Variants in C4orf17 observed in about 807,000 individuals in gnomAD.
C4orf17 encodes chromosome 4 open reading frame 17, also known as uncharacterized protein C4orf17.
A neutral mutation model predicts 32.0 loss-of-function variants in C4orf17; 25 were observed. The ratio of observed to expected loss-of-function variants is 0.78; its 90% CI spans 0.57 to 1.09. The LOEUF is 1.09. Ranked by LOEUF, C4orf17 falls within the 50% of genes least tolerant of loss-of-function variation. The pLI, the probability that C4orf17 is intolerant of heterozygous loss-of-function variation, is 0.00. For synonymous variants in C4orf17, 149 were observed against 145.8 expected (o/e 1.02, Z -0.16); for missense variants, 420 against 420.0 (o/e 1.00, Z 0.00).
At chr4:99,527,350 A>G (rs908497681) in intron 4 of C4orf17, among the ~76,000 whole-genome samples, 2 of 152,216 alleles carry the variant, frequency 1.3e-5, no homozygotes, top group Non-Finnish European at 2.9e-5. Flanking sequence ...TCATGTACCC[A>G]TGAAACAAAT....
chr4:99,514,183 C>T (rs990365130), intron 2 of C4orf17, among the ~76,000 whole-genome samples: 1 of 152,102 alleles, frequency 6.6e-6, no homozygotes, highest in Non-Finnish European at 1.5e-5. Flanking sequence ...AAACCAATGT[C>T]ATTTGGCTTA....
At chr4:99,524,192 A>G (rs146668938) in intron 3 of C4orf17, among the ~76,000 whole-genome samples, 42 of 152,188 alleles carry the variant, frequency 2.8e-4, no homozygotes, top group East Asian at 2.3e-3. Context: ...CGTGTTAGCC[A>G]GGATGGTCTC....
intron 3 of C4orf17, among the ~76,000 whole-genome samples, chr4:99,524,220 A>G (rs1389115245): frequency 6.6e-6 from 1 of 152,036 alleles, no homozygotes; most frequent in Admixed American, 6.5e-5. Context: ...TGACCTCGTG[A>G]TCCGCCCGCC....
chr4:99,512,792 C>T lies in C4orf17; in HGVS notation c.-93-197C>T, dbSNP rs545883590. Among the ~76,000 whole-genome samples, 5 of 151,828 alleles carry T rather than the reference C, an allele frequency of 3.3e-5. No homozygotes were observed. The South Asian group carries it at 1.0e-3, about 32-fold the overall frequency. On this transcript the variant is annotated intron_variant, in intron 1 of 8. Coordinates refer to ENST00000326581, the MANE Select transcript of C4orf17 (RefSeq NM_032149.3). ...TTTGAAATCAAACACTTTGATTTTC[C>T]CCTGGGTAAATGTTTTAGATCCACC...
intron 4 of C4orf17, among the ~76,000 whole-genome samples, chr4:99,525,612 G>A (rs1331801638): frequency 1.3e-5 from 2 of 152,176 alleles, no homozygotes; most frequent in Admixed American, 1.3e-4. Context: ...GGCCAACATG[G>A]TGAAACCCCG....
At chr4:99,523,698 T>A (rs1338908385) in intron 3 of C4orf17, among the ~76,000 whole-genome samples, 1 of 152,192 alleles carries the variant, frequency 6.6e-6, no homozygotes, top group African/African-American at 2.4e-5. Context: ...AAAAGTCATC[T>A]TTTTCTTTTA....
At chr4:99,519,530 C>T (rs1477658556) in intron 2 of C4orf17, among the ~76,000 whole-genome samples, 1 of 152,124 alleles carries the variant, frequency 6.6e-6, no homozygotes, top group Non-Finnish European at 1.5e-5. Context: ...GAGTAGTTGC[C>T]ACAAGTGAGG....
At chr4:99,528,197 T>C (rs1158021026) in intron 4 of C4orf17, among the ~76,000 whole-genome samples, 2 of 145,588 alleles carry the variant, frequency 1.4e-5, no homozygotes, top group African/African-American at 5.2e-5. Flanking sequence ...TGTGTCTTTG[T>C]TTTTCTCAAT....
chr4:99,532,051 T>C (rs922297445), intron 5 of C4orf17, among the ~76,000 whole-genome samples: 1 of 152,160 alleles, frequency 6.6e-6, no homozygotes, highest in South Asian at 2.1e-4. Context: ...AAGATCTTTA[T>C]AGACATAACA....
chr4:99,539,452 A>C (rs1436102366), intron 7 of C4orf17, 82 bp downstream of exon 7: 1 of 1,161,958 alleles, frequency 8.6e-7, no homozygotes, highest in Non-Finnish European at 1.3e-6. Context: ...ATCTTTCAAA[A>C]TGTTAAACAG....
chr4:99,531,277 G>T (rs1269033285), intron 5 of C4orf17, among the ~76,000 whole-genome samples: 1 of 151,974 alleles, frequency 6.6e-6, no homozygotes, highest in Non-Finnish European at 1.5e-5. Context: ...TCAGTGCCTA[G>T]GTGAGTGCTG....
At chr4:99,529,148 C>G (rs1723437421) in intron 4 of C4orf17, among the ~76,000 whole-genome samples, 2 of 152,092 alleles carry the variant, frequency 1.3e-5, no homozygotes, top group South Asian at 4.1e-4. Context: ...GCACTAAGTT[C>G]TATGTGTTGT....
At chr4:99,536,812 A>C (rs1440073591) in intron 5 of C4orf17, among the ~76,000 whole-genome samples, 1 of 152,226 alleles carries the variant, frequency 6.6e-6, no homozygotes, top group East Asian at 1.9e-4. Flanking sequence ...GGTACTGAAC[A>C]GACAAAACAA....
At chr4:99,524,408 T>C (rs980366899) in intron 3 of C4orf17, 113 bp from the exon 4 acceptor site, 1 of 579,582 alleles carries the variant, frequency 1.7e-6, no homozygotes, top group Non-Finnish European at 3.0e-6. Flanking sequence ...GATTCCTGAA[T>C]TGACCTTAAA....
rs755086809 is a variant in C4orf17 at position 99,530,009 on chromosome 4, A to C, written c.546+51A>C. The C allele has an allele frequency of 2.8e-6, 4 of 1,449,972 alleles. No individual in the cohort carries two copies. In the East Asian group the frequency reaches 7.1e-5, roughly 26 times the overall value. 89.8% of individuals were successfully genotyped at this position (1,449,972 alleles called of 1,614,324 possible). On this transcript the variant is annotated intron_variant, in intron 5 of 8. Transcript: ENST00000326581. ...TAACTTGGAAACAGCATGAATATAC[A>C]AAAAAATTTATACCACTAGCATCCT...
intron 6 of C4orf17, among the ~76,000 whole-genome samples, chr4:99,538,250 C>T (rs1367868984): frequency 1.3e-5 from 2 of 152,238 alleles, no homozygotes; most frequent in African/African-American, 4.8e-5. Context: ...CATGAAAACA[C>T]ATGCCATTCC....
Position 99,522,838 on chromosome 4 carries a change from A to G in C4orf17, c.337+129A>G. On this transcript the variant is annotated intron_variant, in intron 3 of 8. Coordinates refer to ENST00000326581, the MANE Select transcript of C4orf17 (RefSeq NM_032149.3). ...AGTTTCCTCACTGTGAGGAACATAA[A>G]TTTTGTTATATAATTTTTTTTCACT... 5.8e-6 allele frequency: 4 copies of G among 684,562 alleles called. No individual in the cohort carries two copies. The South Asian group carries it at 6.1e-5, about 10-fold the overall frequency. The allele number at this position is 684,562 out of a possible 1,614,324, so 42.4% of individuals were successfully genotyped here. A position where few individuals can be genotyped will look rare whatever the true frequency, so the allele number is the denominator to read the frequency against.
At chr4:99,512,961 C>T in intron 1 of C4orf17, 28 bp from the exon 2 acceptor site, 2 of 956,768 alleles carry the variant, frequency 2.1e-6, no homozygotes, top group Admixed American at 2.5e-5. Context: ...AAACTCTTGT[C>T]AGAATGTTTG....
At chr4:99,524,795 G>C (rs535008124) in intron 4 of C4orf17, among the ~76,000 whole-genome samples, 1 of 152,312 alleles carries the variant, frequency 6.6e-6, no homozygotes, top group East Asian at 1.9e-4. Flanking sequence ...TACCACTGCA[G>C]TCAAGAGAAT....
Sources: allele counts gnomAD v4.1 joint callset (sites outside exome capture counted in the v4.1 genomes callset), GRCh38; gene constraint gnomAD v4.1.1; transcripts MANE v1.5; gene names NCBI Gene and HGNC (gene_info 2026-07-23, HGNC 2026-07-21).